The following AVEN variants were observed in gnomAD, a reference collection of about 807,000 sequenced individuals.
AVEN encodes the protein apoptosis and caspase activation inhibitor.
A neutral mutation model predicts 38.1 loss-of-function variants in AVEN; 41 were observed. That is an observed-to-expected ratio of 1.08 (90% CI 0.84 to 1.40). AVEN has a LOEUF of 1.40. Among genes scored for constraint, AVEN ranks in the 40% most tolerant of loss-of-function variants. AVEN has a pLI of 0.00. For missense variants in AVEN, 605 were observed against 438.8 expected, an observed-to-expected ratio of 1.38 and a Z score of -3.38; for synonymous variants, 206 against 171.8, an observed-to-expected ratio of 1.20 and a Z score of -1.56.
At chr15:33,984,105 A>G (rs1208657030) in intron 2 of AVEN, among the ~76,000 whole-genome samples, 1 of 151,824 alleles carries the variant, frequency 6.6e-6, no homozygotes, top group African/African-American at 2.4e-5. Context: ...AAAGGACATC[A>G]GTGGAAAAAA....
At chr15:33,911,584 G>A (rs757761561) in intron 2 of AVEN, among the ~76,000 whole-genome samples, 1 of 152,166 alleles carries the variant, frequency 6.6e-6, no homozygotes, top group Non-Finnish European at 1.5e-5. Context: ...CATTTGATAT[G>A]CTGGGCTCTC....
intron 4 of AVEN, among the ~76,000 whole-genome samples, chr15:33,869,774 T>C (rs1363006916): frequency 6.6e-6 from 1 of 152,062 alleles, no homozygotes; most frequent in Non-Finnish European, 1.5e-5. Flanking sequence ...AGGAAGTTGA[T>C]AATTTCAGTT....
intron 5 of AVEN, among the ~76,000 whole-genome samples, chr15:34,057,946 C>CAG (rs1006421483): frequency 1.8e-4 from 28 of 152,006 alleles, no homozygotes; most frequent in Non-Finnish European, 1.3e-4. Context: ...TTCCATTTAT[C>CAG]AGAGAGAGAG....
chr15:34,072,546 G>T (rs1387777360), intron 1 of AVEN, among the ~76,000 whole-genome samples: 8 of 146,946 alleles, frequency 5.4e-5, no homozygotes, highest in African/African-American at 2.0e-4. Flanking sequence ...GGAGGTGGAG[G>T]TTGCAGTGAG....
intron 1 of AVEN, among the ~76,000 whole-genome samples, chr15:34,026,588 A>T (rs1384027684): frequency 6.6e-6 from 1 of 152,130 alleles, no homozygotes; most frequent in African/African-American, 2.4e-5. Context: ...TAAATCAGGT[A>T]CTCAAATTTT....
chr15:33,939,167 C>CA (rs1894216387), intron 2 of AVEN, among the ~76,000 whole-genome samples: 1 of 152,168 alleles, frequency 6.6e-6, no homozygotes, highest in South Asian at 2.1e-4. Context: ...ACGGCACTGC[C>CA]ATTCTACCAG....
intron 2 of AVEN, among the ~76,000 whole-genome samples, chr15:33,942,619 A>G (rs1328069859): frequency 6.6e-6 from 1 of 151,602 alleles, no homozygotes; most frequent in Non-Finnish European, 1.5e-5. Flanking sequence ...CCCGGCTAAT[A>G]TTTTTGTATT....
chr15:33,895,691 T>C (rs1314323372), intron 2 of AVEN, among the ~76,000 whole-genome samples: 2 of 152,072 alleles, frequency 1.3e-5, no homozygotes, highest in African/African-American at 4.8e-5. Context: ...ACCTCCAATA[T>C]AGTATTCTGA....
chr15:34,062,605 G>T, intron 5 of AVEN: 1 of 822,196 alleles, frequency 1.2e-6, no homozygotes, highest in Non-Finnish European at 1.9e-6. Flanking sequence ...AGAAAATCAT[G>T]CTGGTGTGCG....
At position 33,868,235 on chromosome 15, in the gene AVEN, A is replaced by G. The variant is rs576926438; in HGVS notation, c.613-380T>C. Among the ~76,000 whole-genome samples, 88 of 152,304 alleles carry G rather than the reference A, an allele frequency of 5.8e-4. No homozygotes were observed. In the South Asian group the frequency reaches 7.2e-3, roughly 13 times the overall value. On this transcript the variant is annotated intron_variant, in intron 4 of 5. Coordinates refer to ENST00000306730, the MANE Select transcript of AVEN (RefSeq NM_020371.3). ...ACATGAACATCTATAAAAAGTCACC[A>G]AGAAGTGGCCAGGCGCAGTGGCTCA... is the stretch of plus-strand genomic sequence containing the variant.
At chr15:33,864,837 G>C, downstream of AVEN, 1 of 326,252 alleles carries the variant, frequency 3.1e-6, no homozygotes, top group African/African-American at 2.1e-5. Flanking sequence ...CATGGAATCA[G>C]CTTATTGCTA....
chr15:33,866,515 G>C lies in AVEN; in HGVS notation c.*98C>G, dbSNP rs1890524844. On this transcript the variant is annotated 3_prime_UTR_variant, in exon 6 of 6. Transcript: ENST00000306730. ...AGCATAATGGAACACACTAGCTTGA[G>C]ACATGCTTGTAAACTGGCTGGTCCT... 2 of 819,150 alleles carry C rather than the reference G, an allele frequency of 2.4e-6. No individual in the cohort carries two copies. Among genetic ancestry groups the C allele is most frequent in the Non-Finnish European group, 4.1e-6 (2 of 493,610 alleles). 50.7% of individuals were successfully genotyped at this position (819,150 alleles called of 1,614,324 possible). A position where few individuals can be genotyped will look rare whatever the true frequency, so the allele number is the denominator to read the frequency against.
At chr15:33,910,031 G>A (rs1291890591) in intron 2 of AVEN, among the ~76,000 whole-genome samples, 1 of 151,824 alleles carries the variant, frequency 6.6e-6, no homozygotes, top group Non-Finnish European at 1.5e-5. Flanking sequence ...GGGAGGCTGA[G>A]GCAGAAGAAT....
chr15:33,917,397 C>T (rs1220609622), intron 2 of AVEN, among the ~76,000 whole-genome samples: 1 of 960 alleles, frequency 1.0e-3, no homozygotes, highest in Non-Finnish European at 1.7e-3. Flanking sequence ...CACACACACA[C>T]ATGGAATACT....
chr15:34,021,533 G>A (rs1043624153), intron 1 of AVEN, among the ~76,000 whole-genome samples: 6 of 152,142 alleles, frequency 3.9e-5, no homozygotes, highest in African/African-American at 9.6e-5. Context: ...GAGCCACCGC[G>A]CCTGGCTTAT....
At chr15:33,942,349 G>C (rs1894348387) in intron 2 of AVEN, among the ~76,000 whole-genome samples, 1 of 152,072 alleles carries the variant, frequency 6.6e-6, no homozygotes, top group Non-Finnish European at 1.5e-5. Flanking sequence ...TTACATTATT[G>C]ACATAATTCA....
At chr15:33,983,728 A>G (rs1296856075) in intron 2 of AVEN, among the ~76,000 whole-genome samples, 1 of 152,148 alleles carries the variant, frequency 6.6e-6, no homozygotes, top group African/African-American at 2.4e-5. Context: ...TGAACAATAA[A>G]TGGAAAGGGA....
chr15:33,954,129 G>T (rs570370212), intron 2 of AVEN, among the ~76,000 whole-genome samples: 1 of 145,056 alleles, frequency 6.9e-6, no homozygotes, highest in Admixed American at 7.0e-5. Flanking sequence ...TTAGAATGGC[G>T]ATCATTAAAA....
intron 1 of AVEN, among the ~76,000 whole-genome samples, chr15:34,073,989 CTTTTTTTT>C (rs5811818): frequency 1.3e-4 from 4 of 31,474 alleles, no homozygotes; most frequent in Non-Finnish European, 2.0e-4. Flanking sequence ...TCTTCTTCTT[CTTTTTTTT>C]TTTTTTTTTT....
Sources: gnomAD v4.1 joint callset for allele counts (sites outside exome capture counted in the v4.1 genomes callset) on GRCh38, gnomAD v4.1.1 for gene constraint, MANE v1.5 for transcripts, NCBI Gene and HGNC (gene_info 2026-07-23, HGNC 2026-07-21) for gene names.